KCNMA1: variants seen among roughly 807,000 people sequenced by gnomAD.
KCNMA1 encodes Calcium-activated potassium channel subunit alpha-1.
A neutral mutation model predicts 140.0 loss-of-function variants in KCNMA1; 29 were observed. That is an observed-to-expected ratio of 0.21 (90% CI 0.15 to 0.28). The LOEUF (loss-of-function observed/expected upper bound fraction) is 0.28, where lower values mean the gene tolerates loss of function less well. Among genes scored for constraint, KCNMA1 ranks in the 10% least tolerant of loss-of-function variants. KCNMA1 has a pLI of 1.00. For missense variants in KCNMA1, 880 were observed against 1,602.2 expected (o/e 0.55, Z 7.70); for synonymous variants, 612 against 611.9 (o/e 1.00, Z 0.00).
At chr10:77,557,981 A>G (rs762643866) in intron 1 of KCNMA1, among the ~76,000 whole-genome samples, 38 of 152,230 alleles carry the variant, frequency 2.5e-4, no homozygotes, top group Non-Finnish European at 4.1e-4. Flanking sequence ...GCACCAGTCA[A>G]AAAAGGCATT....
At chr10:76,929,273 T>G (rs1042657457) in intron 23 of KCNMA1, among the ~76,000 whole-genome samples, 11 of 152,228 alleles carry the variant, frequency 7.2e-5, no homozygotes, top group Admixed American at 7.2e-4. Flanking sequence ...GTTATTATTA[T>G]TTACCTTCCT....
intron 9 of KCNMA1, among the ~76,000 whole-genome samples, chr10:77,102,297 C>G (rs1272454914): frequency 1.3e-5 from 2 of 152,140 alleles, no homozygotes; most frequent in Admixed American, 1.3e-4. Flanking sequence ...GTCTAGAACC[C>G]TGGTGGACAA....
At chr10:77,497,418 T>C (rs1200135989) in intron 1 of KCNMA1, among the ~76,000 whole-genome samples, 1 of 152,186 alleles carries the variant, frequency 6.6e-6, no homozygotes, top group Non-Finnish European at 1.5e-5. Flanking sequence ...CGATGCCCCT[T>C]GAGGGTGGGT....
rs142140708 is a variant in KCNMA1, at chr10:77,384,040, G to A, written c.540+19822C>T. On this transcript the variant is annotated intron_variant, in intron 2 of 27. Transcript: ENST00000286628. ...CCATCAGCTCTCTGGGGCAGTTTGC[G>A]ATTCACCGCAGGACCCTAGATGGTG... Among the ~76,000 whole-genome samples, 456 of 152,362 alleles carry A rather than the reference G, an allele frequency of 3.0e-3. 8 individuals carry two copies. The highest frequency in any genetic ancestry group is 0.027 in the Middle Eastern group (8 of 294).
chr10:76,935,318 G>T (rs1422577445), intron 23 of KCNMA1, among the ~76,000 whole-genome samples: 8 of 152,340 alleles, frequency 5.3e-5, no homozygotes, highest in Non-Finnish European at 8.8e-5. Context: ...TGTCCTGGGG[G>T]TGCCCCCATG....
In KCNMA1 at chr10:77,383,030, T is replaced by TATATATATATATATA. The variant is rs1566451029; in HGVS notation, c.540+20831_540+20832insTATATATATATATAT. Among the ~76,000 whole-genome samples, 6 of 103,004 alleles carry TATATATATATATATA rather than the reference T, an allele frequency of 5.8e-5. 1 individual carries two copies. Among genetic ancestry groups the TATATATATATATATA allele is most frequent in the African/African-American group, 2.4e-4 (6 of 25,178 alleles). 67.6% of individuals were successfully genotyped at this position (103,004 alleles called of 152,430 possible). ...TATATATATATATATATATATATAT[T>TATATATATATATATA]CCAAGTGGAGGAAAGAAGTTTTCAG... On this transcript the variant is annotated intron_variant, in intron 2 of 27. Coordinates refer to ENST00000286628, the MANE Select transcript of KCNMA1 (RefSeq NM_001161352.2).
At chr10:76,990,394 G>A (rs2082393622) in intron 19 of KCNMA1, among the ~76,000 whole-genome samples, 1 of 152,162 alleles carries the variant, frequency 6.6e-6, no homozygotes, top group Non-Finnish European at 1.5e-5. Flanking sequence ...AGATCTCTCA[G>A]TTCACTGCAC....
At chr10:77,050,108 A>C (rs994655619) in intron 14 of KCNMA1, among the ~76,000 whole-genome samples, 1 of 151,960 alleles carries the variant, frequency 6.6e-6, no homozygotes. Flanking sequence ...TATCTTCCCC[A>C]TGTGACTCAG....
intron 1 of KCNMA1, among the ~76,000 whole-genome samples, chr10:77,434,286 C>A (rs1178678834): frequency 6.6e-6 from 1 of 152,164 alleles, no homozygotes; most frequent in Non-Finnish European, 1.5e-5. Flanking sequence ...CAGACTGCAC[C>A]AGAACAGGCA....
intron 1 of KCNMA1, among the ~76,000 whole-genome samples, chr10:77,582,746 C>T (rs1433169090): frequency 4.6e-5 from 7 of 152,226 alleles, no homozygotes; most frequent in African/African-American, 1.7e-4. Flanking sequence ...CAGAGCCATG[C>T]CCCTCGGGGG....
intron 1 of KCNMA1, among the ~76,000 whole-genome samples, chr10:77,517,423 C>G (rs1372465324): frequency 1.3e-5 from 2 of 152,206 alleles, no homozygotes; most frequent in African/African-American, 2.4e-5. Context: ...TACACCAAGG[C>G]TGAACACATA....
At chr10:77,552,070 C>T (rs1447869787) in intron 1 of KCNMA1, among the ~76,000 whole-genome samples, 1 of 152,146 alleles carries the variant, frequency 6.6e-6, no homozygotes, top group African/African-American at 2.4e-5. Flanking sequence ...AATTTCCAGG[C>T]ATTTCTGACC....
intron 20 of KCNMA1, among the ~76,000 whole-genome samples, chr10:76,959,500 G>C (rs757396124): frequency 1.3e-5 from 2 of 152,178 alleles, no homozygotes; most frequent in African/African-American, 2.4e-5. Context: ...TTCCATTTGA[G>C]GATTACATGA....
At chr10:77,136,371 T>C (rs2098028169) in intron 5 of KCNMA1, among the ~76,000 whole-genome samples, 1 of 152,120 alleles carries the variant, frequency 6.6e-6, no homozygotes, top group African/African-American at 2.4e-5. Flanking sequence ...AATGTCGAAA[T>C]TAAAATAGCG....
At chr10:77,055,643 A>G (rs2095518085) in intron 14 of KCNMA1, among the ~76,000 whole-genome samples, 1 of 151,830 alleles carries the variant, frequency 6.6e-6, no homozygotes, top group Admixed American at 6.6e-5. Context: ...TGCCCAAAAA[A>G]CCTATGGTCC....
At chr10:76,963,516 G>A (rs963729480) in intron 20 of KCNMA1, among the ~76,000 whole-genome samples, 4 of 152,192 alleles carry the variant, frequency 2.6e-5, no homozygotes, top group Non-Finnish European at 5.9e-5. Flanking sequence ...TTATAAGGCT[G>A]TAGTTCTATT....
chr10:77,359,058 C>T (rs139522341), intron 2 of KCNMA1, among the ~76,000 whole-genome samples: 9 of 152,252 alleles, frequency 5.9e-5, no homozygotes, highest in Non-Finnish European at 1.3e-4. Flanking sequence ...GGTAACAGGG[C>T]CTGGGTAAGG....
intron 5 of KCNMA1, among the ~76,000 whole-genome samples, chr10:77,157,910 T>C (rs999873671): frequency 6.6e-6 from 1 of 152,144 alleles, no homozygotes; most frequent in Non-Finnish European, 1.5e-5. Flanking sequence ...GTCCTCCTCC[T>C]CCTTAGCGAT....
chr10:77,538,654 T>C (rs948714703), intron 1 of KCNMA1, among the ~76,000 whole-genome samples: 7 of 152,138 alleles, frequency 4.6e-5, no homozygotes, highest in Admixed American at 3.3e-4. Flanking sequence ...CCCAGCTAGA[T>C]GGTGAGTCCC....
Sources: gnomAD v4.1 joint callset for allele counts (sites outside exome capture counted in the v4.1 genomes callset) on GRCh38, gnomAD v4.1.1 for gene constraint, MANE v1.5 for transcripts, NCBI Gene and HGNC (gene_info 2026-07-23, HGNC 2026-07-21) for gene names.